The following TRIM27 variants were observed in gnomAD, a reference collection of about 807,000 sequenced individuals.
TRIM27 encodes zinc finger protein RFP.
Under a neutral mutation model 57.6 loss-of-function variants are expected in TRIM27, and 12 were observed. That is an observed-to-expected ratio of 0.21 (90% CI 0.13 to 0.34). The LOEUF (loss-of-function observed/expected upper bound fraction) is 0.34. TRIM27 is among the 10% of genes least tolerant of loss of function. TRIM27 has a pLI of 1.00. For missense variants in TRIM27, 403 were observed against 656.8 expected (o/e 0.61, Z 4.22); for synonymous variants, 266 against 259.0 (o/e 1.03, Z -0.26).
chr6:28,923,285 C>T lies in TRIM27; in HGVS notation c.348G>A (p.Val116=), dbSNP rs1468909102. 6.2e-7 allele frequency: 1 copy of T among 1,611,694 alleles called. No homozygotes were observed. Among genetic ancestry groups the T allele is most frequent in the Non-Finnish European group, 8.5e-7 (1 of 1,179,440 alleles). The change falls in exon 1 of 8, where the codon GTG becomes GTA. Residue 116 remains valine, a synonymous_variant. Transcript: ENST00000377199. ...GGTGCTCGCGGGAGCGGTCGCACAC[C>T]ACGCAGATGGGCATCTGGTCCTCCT... is the stretch of plus-strand genomic sequence containing the variant. The part of the protein sequence containing the change: ...YCEEDQMPIC[V]VCDRSREHRG...
intron 6 of TRIM27, 136 bp from the exon 7 acceptor site, chr6:28,907,398 C>T (rs1167902490): frequency 2.1e-5 from 17 of 823,846 alleles, no homozygotes; most frequent in East Asian, 5.0e-5. Context: ...TAGTCATGCA[C>T]TAATTTTTTC....
At position 28,912,571 on chromosome 6, in the gene TRIM27, C is replaced by T. The variant is rs536508534; in HGVS notation, c.748-853G>A. On this transcript the variant is annotated intron_variant, in intron 3 of 7. Transcript: ENST00000377199. ...AAGCAATATATACTGAAAACCACTC[C>T]GTATCAGTTCATAGGTATCATTCTT... is the stretch of plus-strand genomic sequence containing the variant. Among the ~76,000 whole-genome samples the T allele has an allele frequency of 2.1e-4, 32 of 151,746 alleles. No individual in the cohort carries two copies. The South Asian group carries it at 4.8e-3, about 23-fold the overall frequency.
intron 3 of TRIM27, chr6:28,915,740 C>G (rs930818026): frequency 6.6e-6 from 1 of 152,200 alleles, no homozygotes; most frequent in African/African-American, 2.4e-5. Flanking sequence ...CCATTTTCTA[C>G]TTTTTGTGTT....
chr6:28,912,556 T>C (rs142135407), intron 3 of TRIM27, among the ~76,000 whole-genome samples: 2 of 152,258 alleles, frequency 1.3e-5, no homozygotes, highest in African/African-American at 2.4e-5. Context: ...AAGCAATATA[T>C]ACTGAAAACC....
chr6:28,919,590 C>G, intron 3 of TRIM27, among the ~76,000 whole-genome samples: 1 of 152,176 alleles, frequency 6.6e-6, no homozygotes, highest in Non-Finnish European at 1.5e-5. Context: ...CACTCCTGCT[C>G]AAGTGCTCAT....
chr6:28,915,962 G>A (rs1773564571), intron 3 of TRIM27, among the ~76,000 whole-genome samples: 1 of 151,990 alleles, frequency 6.6e-6, no homozygotes, highest in Admixed American at 6.6e-5. Context: ...TATTGCGTAG[G>A]CTGGAGTGCA....
intron 3 of TRIM27, 145 bp from the exon 4 acceptor site, chr6:28,911,863 G>T: frequency 1.3e-6 from 1 of 758,508 alleles, no homozygotes; most frequent in Non-Finnish European, 2.2e-6. Context: ...ATAACTCAGT[G>T]TTGAGGAGCT....
Position 28,921,919 on chromosome 6 carries a change from CT to C in TRIM27, c.488del (p.Gln163ArgfsTer10). 1 of 1,612,974 alleles carries C rather than the reference CT, an allele frequency of 6.2e-7. No homozygotes were observed. Among genetic ancestry groups the C allele is most frequent in the Non-Finnish European group, 8.5e-7 (1 of 1,180,018 alleles). On this transcript the variant is annotated frameshift_variant, in exon 2 of 8. Transcript: ENST00000377199. LOFTEE classifies it high-confidence loss of function. ...VKDLKKRRRA[Q>X]GEQARAELLS... ...AGAGTTCAGCTCGTGCCTGTTCCCC[CT>C]GGGCCCGACGTCTCTTCTTTAAATC... is the stretch of plus-strand genomic sequence containing the variant.
rs141964936 is a variant in TRIM27 at position 28,917,679 on chromosome 6, G to C, written c.747+2333C>G. Among the ~76,000 whole-genome samples the C allele has an allele frequency of 3.4e-3, 510 of 152,018 alleles. 2 individuals carry two copies. Among genetic ancestry groups the C allele is most frequent in the African/African-American group, 0.011 (474 of 41,454 alleles). On this transcript the variant is annotated intron_variant, in intron 3 of 7. Transcript: ENST00000377199. ...TCCTACTAGTTCTCGCAAACCAACT[G>C]TCTTTCCCATACTCTGAAACAATCA... is the stretch of plus-strand genomic sequence containing the variant.
intron 4 of TRIM27, among the ~76,000 whole-genome samples, chr6:28,910,486 C>T (rs970329560): frequency 9.2e-5 from 14 of 152,154 alleles, no homozygotes; most frequent in African/African-American, 3.4e-4. Context: ...TGCACCACCA[C>T]GCCCAGCTAA....
In TRIM27 at chr6:28,918,944, A is replaced by G. The variant is rs373722812; in HGVS notation, c.747+1068T>C. Among the ~76,000 whole-genome samples, 347 of 152,220 alleles carry G rather than the reference A, an allele frequency of 2.3e-3. 3 individuals carry two copies. Among genetic ancestry groups the G allele is most frequent in the Middle Eastern group, 0.01 (3 of 294 alleles). On this transcript the variant is annotated intron_variant, in intron 3 of 7. Transcript: ENST00000377199. The stretch of plus-strand genomic sequence containing the variant: ...CATACTTATTGCCCAGGACATACAA[A>G]AACAGGGGATGGACCATAATTTGCT...
chr6:28,906,465 C>G (rs1173514007), intron 7 of TRIM27: 1 of 152,070 alleles, frequency 6.6e-6, no homozygotes, highest in African/African-American at 2.4e-5. Context: ...ATGGGTATAC[C>G]TCCAACCAGA....
chr6:28,910,890 A>T lies in TRIM27; in HGVS notation c.770+806T>A, dbSNP rs188773099. Among the ~76,000 whole-genome samples, 307 of 152,192 alleles carry T rather than the reference A, an allele frequency of 2.0e-3. 3 individuals carry two copies. Among genetic ancestry groups the T allele is most frequent in the African/African-American group, 6.6e-3 (274 of 41,506 alleles). On this transcript the variant is annotated intron_variant, in intron 4 of 7. Coordinates refer to ENST00000377199, the MANE Select transcript of TRIM27 (RefSeq NM_006510.5). ...CAGGAACCTCAATTCCATCAACATGATTCTATCAACACAGGCCTCCCAGCC... is the reference window on the plus strand; with the variant it reads ...CAGGAACCTCAATTCCATCAACATGTTTCTATCAACACAGGCCTCCCAGCC...
At chr6:28,908,056 A>G (rs1166767691) in intron 6 of TRIM27, 1 of 168,888 alleles carries the variant, frequency 5.9e-6, no homozygotes, top group East Asian at 1.2e-4. Flanking sequence ...CTGCCCAGGA[A>G]TTTTAGTATT....
intron 2 of TRIM27, among the ~76,000 whole-genome samples, chr6:28,921,296 G>A (rs1774012908): frequency 6.6e-6 from 1 of 151,774 alleles, no homozygotes. Context: ...TGGGAGAATC[G>A]CTTGAACTGG....
intron 4 of TRIM27, among the ~76,000 whole-genome samples, chr6:28,910,576 T>C (rs1291126649): frequency 6.6e-6 from 1 of 152,172 alleles, no homozygotes; most frequent in Non-Finnish European, 1.5e-5. Flanking sequence ...GTGATCCACC[T>C]GACTTGGCCT....
At chr6:28,907,173 G>A in intron 7 of TRIM27, 63 bp downstream of exon 7, 1 of 1,438,788 alleles carries the variant, frequency 7.0e-7, no homozygotes, top group Non-Finnish European at 9.6e-7. Flanking sequence ...ATTCATAATA[G>A]TAGTTAGGTT....
rs370442190 is a variant in TRIM27, at chr6:28,918,526, A to T, written c.747+1486T>A. Among the ~76,000 whole-genome samples, 4 of 152,166 alleles carry T rather than the reference A, an allele frequency of 2.6e-5. No individual in the cohort carries two copies. The East Asian group carries it at 7.7e-4, about 29-fold the overall frequency. ...TCCACTCCCTTCTTGCTTCGTCTCA[A>T]AAATAAAAAAAGAAAAAAAGAAAGA... is the stretch of plus-strand genomic sequence containing the variant. On this transcript the variant is annotated intron_variant, in intron 3 of 7. Coordinates refer to ENST00000377199, the MANE Select transcript of TRIM27 (RefSeq NM_006510.5).
chr6:28,923,537 G>A lies in TRIM27; in HGVS notation c.96C>T (p.Gly32=), dbSNP rs1774226419. 3 of 1,611,722 alleles carry A rather than the reference G, an allele frequency of 1.9e-6. No individual in the cohort carries two copies. Among genetic ancestry groups the A allele is most frequent in the Non-Finnish European group, 2.5e-6 (3 of 1,179,590 alleles). ...YFAEPMMLDC[G]HNICCACLAR... Reference sequence around the variant, plus strand: ...CGAGGCACGCGCAACAGATGTTATGGCCGCAGTCGAGCATCATGGGCTCTG... The same window carrying A: ...CGAGGCACGCGCAACAGATGTTATGACCGCAGTCGAGCATCATGGGCTCTG... The change falls in exon 1 of 8, where the codon GGC becomes GGT. Residue 32 remains glycine, a synonymous_variant. Transcript: ENST00000377199.
Sources: allele counts gnomAD v4.1 joint callset (sites outside exome capture counted in the v4.1 genomes callset), GRCh38; gene constraint gnomAD v4.1.1; transcripts MANE v1.5; gene names NCBI Gene and HGNC (gene_info 2026-07-23, HGNC 2026-07-21).